The following TPTE2 variants were observed in gnomAD, a reference collection of about 807,000 sequenced individuals.
The protein encoded by TPTE2 is phosphatidylinositol 3,4,5-trisphosphate 3-phosphatase TPTE2.
Under a neutral mutation model 78.6 loss-of-function variants are expected in TPTE2, and 53 were observed. That is an observed-to-expected ratio of 0.67 (90% CI 0.54 to 0.85). TPTE2 has a LOEUF of 0.85. Ranked by LOEUF, TPTE2 falls within the 40% of genes least tolerant of loss-of-function variation. The pLI, the probability that TPTE2 is intolerant of heterozygous loss-of-function variation, is 0.00. For missense variants in TPTE2, 461 were observed against 623.0 expected (o/e 0.74, Z 2.77); for synonymous variants, 175 against 206.2 (o/e 0.85, Z 1.30).
At chr13:19,514,592 AGTGTGTGTGTGTGTGT>A (rs151110694) in intron 1 of TPTE2, among the ~76,000 whole-genome samples, 4 of 126,822 alleles carry the variant, frequency 3.2e-5, no homozygotes, top group South Asian at 6.0e-4. Context: ...TACTTCTGAG[AGTGTGTGTGTGTGTGT>A]GTGTGTGTGT....
At chr13:19,480,917 A>C (rs1228670504) in intron 4 of TPTE2, among the ~76,000 whole-genome samples, 1 of 152,192 alleles carries the variant, frequency 6.6e-6, no homozygotes, top group Non-Finnish European at 1.5e-5. Flanking sequence ...AACAGTTAAA[A>C]ACTTGTAAAA....
intron 10 of TPTE2, among the ~76,000 whole-genome samples, chr13:19,452,976 A>AT (rs1419058526): frequency 1.3e-5 from 1 of 77,090 alleles, no homozygotes; most frequent in Non-Finnish European, 3.0e-5. Flanking sequence ...ATTTTATTTT[A>AT]TTTTATTTTA....
intron 14 of TPTE2, among the ~76,000 whole-genome samples, chr13:19,437,050 C>CACACACACAT (rs1283190461): frequency 6.6e-6 from 1 of 151,378 alleles, no homozygotes; most frequent in Non-Finnish European, 1.5e-5. Context: ...CACACACACA[C>CACACACACAT]ACACACACAC....
At chr13:19,515,404 C>A (rs185341353) in intron 1 of TPTE2, among the ~76,000 whole-genome samples, 2 of 152,300 alleles carry the variant, frequency 1.3e-5, no homozygotes, top group African/African-American at 4.8e-5. Flanking sequence ...AGTTCTCCTA[C>A]ACAAACTAAT....
upstream of TPTE2, among the ~76,000 whole-genome samples, chr13:19,508,252 A>G (rs73164664): frequency 0.046 from 7,080 of 152,308 alleles, 229 homozygotes; most frequent in Middle Eastern, 0.14. Flanking sequence ...CAGACAGAGT[A>G]GCCAACAACC....
At chr13:19,475,155 T>A (rs1383758590) in intron 5 of TPTE2, among the ~76,000 whole-genome samples, 3 of 152,172 alleles carry the variant, frequency 2.0e-5, no homozygotes, top group Non-Finnish European at 2.9e-5. Flanking sequence ...TTATTTTATT[T>A]CAGTGTTTCT....
chr13:19,506,160 CTTTTTTTTTTTTTTTT>C (rs71092369), upstream of TPTE2, among the ~76,000 whole-genome samples: 8 of 32,850 alleles, frequency 2.4e-4, 1 homozygote, highest in Non-Finnish European at 3.6e-4. Flanking sequence ...GTATATAAAT[CTTTTTTTTTTTTTTTT>C]TTTTTTTTTT....
At chr13:19,483,531 T>C (rs1880480733) in intron 3 of TPTE2, among the ~76,000 whole-genome samples, 1 of 152,152 alleles carries the variant, frequency 6.6e-6, no homozygotes, top group African/African-American at 2.4e-5. Context: ...CTTATTTGGT[T>C]CTTCCCTTTT....
chr13:19,466,977 T>C (rs1879304880), intron 7 of TPTE2, among the ~76,000 whole-genome samples: 1 of 152,178 alleles, frequency 6.6e-6, no homozygotes, highest in Non-Finnish European at 1.5e-5. Context: ...TAAAAGTCCT[T>C]CTTTGGGTAC....
At chr13:19,517,691 GTAATAAGAACTCT>G (rs1294884529) in intron 1 of TPTE2, among the ~76,000 whole-genome samples, 3 of 152,178 alleles carry the variant, frequency 2.0e-5, no homozygotes, top group Non-Finnish European at 4.4e-5. Flanking sequence ...AGTCAGTTCT[GTAATAAGAACTCT>G]GCGTCCATGG....
chr13:19,475,170 G>A (rs1194639069), intron 5 of TPTE2, among the ~76,000 whole-genome samples: 3 of 151,874 alleles, frequency 2.0e-5, no homozygotes, highest in Admixed American at 2.0e-4. Context: ...GTTTCTCATT[G>A]AAGTATTAAG....
At chr13:19,554,394 A>AAATAAATAAATAAATG in the TPTE2 span, among the ~76,000 whole-genome samples, 1 of 150,946 alleles carries the variant, frequency 6.6e-6, no homozygotes, top group Non-Finnish European at 1.5e-5. Context: ...ATAAATAAAT[A>AAATAAATAAATAAATG]AATAAATATA....
chr13:19,461,443 C>T lies in TPTE2; in HGVS notation c.741+3013G>A, dbSNP rs544156693. Among the ~76,000 whole-genome samples the T allele has an allele frequency of 2.2e-3, 330 of 152,008 alleles. 1 individual carries two copies. Among genetic ancestry groups the T allele is most frequent in the African/African-American group, 7.9e-3 (326 of 41,454 alleles). On this transcript the variant is annotated intron_variant, in intron 10 of 19. Coordinates refer to ENST00000400230, the Ensembl canonical transcript of TPTE2. ...TCTTTGTGTTGGGAACACTCAACAT[C>T]CTCTCTACGTAAAAATATACAATAA...
At chr13:19,464,409 G>C (rs778149817) in intron 10 of TPTE2, 47 bp downstream of exon 13, 10 of 1,551,270 alleles carry the variant, frequency 6.4e-6, no homozygotes, top group Non-Finnish European at 8.9e-6. Flanking sequence ...TGACTACACA[G>C]TCTACATTCA....
At chr13:19,445,253 A>AG (rs1416851757) in intron 13 of TPTE2, among the ~76,000 whole-genome samples, 1 of 152,196 alleles carries the variant, frequency 6.6e-6, no homozygotes, top group Non-Finnish European at 1.5e-5. Context: ...TACAATCAGG[A>AG]GAAAAAAGAT....
At chr13:19,530,547 A>G (rs1870804579) in intron 1 of TPTE2, among the ~76,000 whole-genome samples, 1 of 152,090 alleles carries the variant, frequency 6.6e-6, no homozygotes, top group Admixed American at 6.6e-5. Context: ...GTGCTTTATC[A>G]TATTAATTTT....
chr13:19,509,482 A>G (rs868738355), intron 1 of TPTE2, among the ~76,000 whole-genome samples: 2 of 152,198 alleles, frequency 1.3e-5, no homozygotes, highest in South Asian at 4.1e-4. Context: ...TTATTCAATT[A>G]TATGTTAATA....
chr13:19,460,943 G>C (rs553075855), intron 10 of TPTE2, among the ~76,000 whole-genome samples: 12 of 152,266 alleles, frequency 7.9e-5, no homozygotes, highest in African/African-American at 2.9e-4. Context: ...TTGGGTTATA[G>C]CATCCCCATC....
chr13:19,513,752 G>T (rs1197071641), intron 1 of TPTE2, among the ~76,000 whole-genome samples: 1 of 152,074 alleles, frequency 6.6e-6, no homozygotes, highest in African/African-American at 2.4e-5. Context: ...AATGAATCAG[G>T]ATTTAAATAC....
Sources: gnomAD v4.1 joint callset for allele counts (sites outside exome capture counted in the v4.1 genomes callset) on GRCh38, gnomAD v4.1.1 for gene constraint, MANE v1.5 for transcripts, NCBI Gene and HGNC (gene_info 2026-07-23, HGNC 2026-07-21) for gene names.